The following DPYD variants were observed in gnomAD, a reference collection of about 807,000 sequenced individuals.
The protein encoded by DPYD is dihydropyrimidine dehydrogenase.
Under a neutral mutation model 116.2 loss-of-function variants are expected in DPYD, and 109 were observed. The observed-to-expected ratio is 0.94, with a 90% CI of 0.80 to 1.10. DPYD has a LOEUF of 1.10. DPYD is among the 50% of genes least tolerant of loss of function. DPYD has a pLI of 0.00. For missense variants in DPYD, 1,302 were observed against 1,254.5 expected (o/e 1.04, Z -0.57); for synonymous variants, 440 against 432.0 (o/e 1.02, Z -0.23).
intron 16 of DPYD, among the ~76,000 whole-genome samples, chr1:97,307,373 T>C (rs965368637): frequency 3.9e-5 from 6 of 151,938 alleles, no homozygotes; most frequent in Non-Finnish European, 2.9e-5. Context: ...AATGTTTTTG[T>C]ATGTAAGAAA....
At chr1:97,631,060 C>T (rs984445816) in intron 8 of DPYD, among the ~76,000 whole-genome samples, 3 of 152,060 alleles carry the variant, frequency 2.0e-5, no homozygotes, top group East Asian at 1.9e-4. Context: ...ACGTAACAGG[C>T]TTCTGAGAGC....
chr1:97,837,861 C>G (rs966517435), intron 2 of DPYD, among the ~76,000 whole-genome samples: 16 of 152,044 alleles, frequency 1.1e-4, no homozygotes, highest in African/African-American at 3.9e-4. Flanking sequence ...AAGCAGGGAT[C>G]TGAATAGAAT....
At chr1:97,552,386 T>C (rs1296394504) in intron 11 of DPYD, among the ~76,000 whole-genome samples, 2 of 152,106 alleles carry the variant, frequency 1.3e-5, no homozygotes, top group Non-Finnish European at 2.9e-5. Context: ...ACACTCCACC[T>C]GTCACAAACT....
chr1:97,572,652 A>C (rs894754448), intron 11 of DPYD, among the ~76,000 whole-genome samples: 7 of 151,962 alleles, frequency 4.6e-5, no homozygotes, highest in African/African-American at 1.7e-4. Flanking sequence ...TAAATAAATA[A>C]ACTATACTCT....
At position 97,270,839 on chromosome 1, in the gene DPYD, C is replaced by G. The variant is rs1045612377; in HGVS notation, c.2299+34420G>C. On this transcript the variant is annotated intron_variant, in intron 18 of 22. Coordinates refer to ENST00000370192, the MANE Select transcript of DPYD (RefSeq NM_000110.4). Reference sequence around the variant, plus strand: ...AAATTTATTCAGGAAGATTTCTGCTCTTAATACCTGCCTCTTTTATTCTTT... The same window carrying G: ...AAATTTATTCAGGAAGATTTCTGCTGTTAATACCTGCCTCTTTTATTCTTT... Among the ~76,000 whole-genome samples, 4 of 152,176 alleles carry G rather than the reference C, an allele frequency of 2.6e-5. No homozygotes were observed. In the East Asian group the frequency reaches 7.7e-4, roughly 29 times the overall value.
intron 19 of DPYD, among the ~76,000 whole-genome samples, chr1:97,231,732 A>T (rs1477931329): frequency 6.6e-6 from 1 of 152,188 alleles, no homozygotes; most frequent in African/African-American, 2.4e-5. Context: ...AATAAAAAAA[A>T]ATATTTAAAA....
Position 97,594,689 on chromosome 1 carries a change from C to T in DPYD, c.958+370G>A, listed in dbSNP as rs549268590. ...CATAAAATTACTGTTTAAGAGAAGACAGTCAATCTTTCTGCCTGTGTAGAT... is the reference window on the plus strand; with the variant it reads ...CATAAAATTACTGTTTAAGAGAAGATAGTCAATCTTTCTGCCTGTGTAGAT... On this transcript the variant is annotated intron_variant, in intron 9 of 22. Transcript: ENST00000370192. Among the ~76,000 whole-genome samples, 6 of 152,178 alleles carry T rather than the reference C, an allele frequency of 3.9e-5. No individual in the cohort carries two copies. The East Asian group carries it at 9.7e-4, about 25-fold the overall frequency.
chr1:97,845,464 G>C (rs1393059528), intron 2 of DPYD, among the ~76,000 whole-genome samples: 3 of 152,182 alleles, frequency 2.0e-5, no homozygotes, highest in Non-Finnish European at 4.4e-5. Flanking sequence ...TTTCTGCTGA[G>C]AGCTGGACAC....
Position 97,095,561 on chromosome 1 carries a change from C to T in DPYD, c.2766+2928G>A, listed in dbSNP as rs571679660. Among the ~76,000 whole-genome samples the T allele has an allele frequency of 4.1e-4, 62 of 151,698 alleles. 2 individuals are homozygous for T. In the South Asian group the frequency reaches 8.3e-3, roughly 20 times the overall value. On this transcript the variant is annotated intron_variant, in intron 21 of 22. Transcript: ENST00000370192. Reference sequence around the variant, plus strand: ...GAAAAGGTTAACCTAAGCAAACAAACGGCAAAAATCACAAAATGAGCCTTT... The same window carrying T: ...GAAAAGGTTAACCTAAGCAAACAAATGGCAAAAATCACAAAATGAGCCTTT...
At chr1:97,701,475 A>C (rs1239749387) in intron 5 of DPYD, among the ~76,000 whole-genome samples, 1 of 151,720 alleles carries the variant, frequency 6.6e-6, no homozygotes, top group Non-Finnish European at 1.5e-5. Flanking sequence ...TATTTATGCT[A>C]TCCAATGGAT....
intron 13 of DPYD, among the ~76,000 whole-genome samples, chr1:97,478,428 T>C (rs983844038): frequency 1.3e-5 from 2 of 152,202 alleles, no homozygotes; most frequent in Non-Finnish European, 2.9e-5. Flanking sequence ...GCTGGGACTA[T>C]AGCCATGCAT....
chr1:97,355,837 C>T (rs567010778), intron 16 of DPYD, among the ~76,000 whole-genome samples: 2 of 152,154 alleles, frequency 1.3e-5, no homozygotes, highest in East Asian at 1.9e-4. Flanking sequence ...CTGATAGACA[C>T]TTAGGTTGAT....
At chr1:97,482,710 G>T (rs1173759303) in intron 13 of DPYD, among the ~76,000 whole-genome samples, 3 of 152,052 alleles carry the variant, frequency 2.0e-5, no homozygotes, top group Non-Finnish European at 4.4e-5. Context: ...TGTTGATTGT[G>T]GATACTGAGA....
At chr1:97,631,348 A>T (rs1657249121) in intron 8 of DPYD, among the ~76,000 whole-genome samples, 1 of 152,112 alleles carries the variant, frequency 6.6e-6, no homozygotes, top group Non-Finnish European at 1.5e-5. Flanking sequence ...TGTCAATCTC[A>T]GCAAACCCTA....
In DPYD at chr1:97,292,420, GA is replaced by G. The variant is rs201172237; in HGVS notation, c.2299+12838del. 2.0e-3 allele frequency among the ~76,000 whole-genome samples: 306 copies of G among 152,184 alleles called. 5 individuals carry two copies. In the East Asian group the frequency reaches 0.047, roughly 23 times the overall value. ...AGGAGAAGCGCAGAGTGAAGTGGGG[GA>G]AAAGCCCCTTATAAAACCATCAGAT... On this transcript the variant is annotated intron_variant, in intron 18 of 22. Coordinates refer to ENST00000370192, the MANE Select transcript of DPYD (RefSeq NM_000110.4).
chr1:97,782,190 A>G (rs756499230), intron 3 of DPYD, among the ~76,000 whole-genome samples: 3 of 152,148 alleles, frequency 2.0e-5, no homozygotes, highest in Admixed American at 6.6e-5. Flanking sequence ...ACATGATTAA[A>G]CCACTGCAAA....
intron 12 of DPYD, among the ~76,000 whole-genome samples, chr1:97,539,323 A>G (rs1650255396): frequency 6.6e-6 from 1 of 152,008 alleles, no homozygotes; most frequent in African/African-American, 2.4e-5. Flanking sequence ...TAAATGTTTG[A>G]TTTTCATGGA....
intron 18 of DPYD, among the ~76,000 whole-genome samples, chr1:97,238,263 A>T (rs1662090156): frequency 6.6e-6 from 1 of 152,182 alleles, no homozygotes; most frequent in African/African-American, 2.4e-5. Context: ...GATCCAAAAA[A>T]TGAAGAAATG....
intron 18 of DPYD, among the ~76,000 whole-genome samples, chr1:97,239,618 A>T (rs1162886294): frequency 6.6e-6 from 1 of 152,086 alleles, no homozygotes; most frequent in African/African-American, 2.4e-5. Flanking sequence ...TCCATTAGAA[A>T]CAATTCACAT....
Sources: gnomAD v4.1 joint callset for allele counts (sites outside exome capture counted in the v4.1 genomes callset) on GRCh38, gnomAD v4.1.1 for gene constraint, MANE v1.5 for transcripts, NCBI Gene and HGNC (gene_info 2026-07-23, HGNC 2026-07-21) for gene names.